Variants in MED25 observed in about 807,000 individuals in gnomAD.
The protein encoded by MED25 is mediator complex subunit 25.
Under a neutral mutation model 89.4 loss-of-function variants are expected in MED25, and 62 were observed. The ratio of observed to expected loss-of-function variants is 0.69; its 90% confidence interval spans 0.57 to 0.86. The LOEUF (loss-of-function observed/expected upper bound fraction) is 0.86, where lower values mean the gene tolerates loss of function less well. Ranked by LOEUF, MED25 falls within the 40% of genes least tolerant of loss-of-function variation. The pLI is 0.00. For missense variants in MED25, 905 were observed against 1,005.2 expected (o/e 0.90, Z 1.35); for synonymous variants, 449 against 427.9 (o/e 1.05, Z -0.61).
chr19:49,822,481 C>T (rs1311944063), intron 3 of MED25, among the ~76,000 whole-genome samples: 1 of 151,672 alleles, frequency 6.6e-6, no homozygotes, highest in Non-Finnish European at 1.5e-5. Flanking sequence ...TGCAATGTTG[C>T]CCAGGCTGGT....
chr19:49,820,322 A>G (rs1363583797), intron 3 of MED25, among the ~76,000 whole-genome samples: 5 of 152,204 alleles, frequency 3.3e-5, no homozygotes, highest in Non-Finnish European at 7.3e-5. Context: ...GCAGGGATAC[A>G]GAGGCAGAAC....
rs759459372 is a variant in MED25, at chr19:49,835,291, C to T, written c.1674+114C>T. ...CCACCCTTCTCCCAATATGTGGTGCCTCCAAGCTAAGTCCCACTCAGATTT... is the reference window on the plus strand; with the variant it reads ...CCACCCTTCTCCCAATATGTGGTGCTTCCAAGCTAAGTCCCACTCAGATTT... On this transcript the variant is annotated intron_variant, in intron 14 of 17. Transcript: ENST00000312865. The surrounding 1 kb of genome is among the most constrained non-coding windows in gnomAD (Gnocchi z 6.2). 10 of 1,218,568 alleles carry T rather than the reference C, an allele frequency of 8.2e-6. No individual in the cohort carries two copies. Among genetic ancestry groups the T allele is most frequent in the Non-Finnish European group, 1.2e-5 (10 of 825,506 alleles). 75.5% of individuals were successfully genotyped at this position (1,218,568 alleles called of 1,614,324 possible).
In MED25 at chr19:49,819,212, T is replaced by G; in HGVS notation, c.221T>G (p.Val74Gly). 6.2e-7 allele frequency: 1 copy of G among 1,614,212 alleles called. No individual in the cohort carries two copies. The highest frequency in any genetic ancestry group is 8.5e-7 in the Non-Finnish European group (1 of 1,180,018). Reference sequence around the variant, plus strand: ...TACAGCCTCGTGGTGTTCAACACAGTGGACTGCGCTCCCGAGTCCTACGTA... The same window carrying G: ...TACAGCCTCGTGGTGTTCAACACAGGGGACTGCGCTCCCGAGTCCTACGTA... Reference protein sequence around the residue: ...TQYSLVVFNTVDCAPESYVQC... With the variant: ...TQYSLVVFNTGDCAPESYVQC... Residue 74 changes from valine to glycine, a missense_variant, in exon 3 of 18, where the codon GTG (valine) becomes GGG (glycine). By Grantham distance (109) the Val-to-Gly change is moderately radical. Transcript: ENST00000312865.
At chr19:49,818,827 G>A in intron 2 of MED25, 1 of 616,984 alleles carries the variant, frequency 1.6e-6, no homozygotes, top group African/African-American at 1.9e-5. Flanking sequence ...TCCTGGGTCC[G>A]AGGGAGGAGG....
rs754774180 is a variant in MED25, at chr19:49,829,971, G to A, written c.688+23G>A. 2.0e-5 allele frequency: 32 copies of A among 1,603,784 alleles called. No homozygotes were observed. Among genetic ancestry groups the A allele is most frequent in the Non-Finnish European group, 2.6e-5 (31 of 1,173,060 alleles). On this transcript the variant is annotated intron_variant, in intron 6 of 17. Coordinates refer to ENST00000312865, the MANE Select transcript of MED25 (RefSeq NM_030973.4). The surrounding 1 kb of genome is among the most constrained non-coding windows in gnomAD (Gnocchi z 4.6). ...CTGGTGAGGCCTGGGCACCGTGCGC[G>A]GGGATGGGGGCTCGACGTGTTTCCC...
chr19:49,837,108 G>A (rs1289510524), downstream of MED25: 3 of 696,220 alleles, frequency 4.3e-6, no homozygotes, highest in East Asian at 2.7e-5. Flanking sequence ...GGGCCTCCGT[G>A]GTGAGTCACA....
intron 3 of MED25, among the ~76,000 whole-genome samples, chr19:49,824,563 T>G (rs1600318589): frequency 1.5e-5 from 2 of 133,884 alleles, no homozygotes; most frequent in African/African-American, 2.9e-5. Flanking sequence ...CCAGCCTGGG[T>G]GAAAGAGCGA....
chr19:49,824,809 C>G (rs1468582608), intron 3 of MED25, among the ~76,000 whole-genome samples: 1 of 151,986 alleles, frequency 6.6e-6, no homozygotes, highest in African/African-American at 2.4e-5. Flanking sequence ...GTAGGGAGCC[C>G]TTGGTCATGG....
chr19:49,831,464 G>A lies in MED25; in HGVS notation c.1230+3G>A. 1 of 1,611,416 alleles carries A rather than the reference G, an allele frequency of 6.2e-7. No homozygotes were observed. Among genetic ancestry groups the A allele is most frequent in the African/African-American group, 1.3e-5 (1 of 75,032 alleles). On this transcript the variant is annotated splice_donor_region_variant and intron_variant, in intron 10 of 17. Transcript: ENST00000312865. The surrounding 1 kb of genome is among the most constrained non-coding windows in gnomAD (Gnocchi z 5.0). Reference sequence around the variant, plus strand: ...GCGGGGTCCTGGAGTGGCAAGAGGTGAGGGGCCTGAGGGTCCATTGGGCAC... The same window carrying A: ...GCGGGGTCCTGGAGTGGCAAGAGGTAAGGGGCCTGAGGGTCCATTGGGCAC...
In MED25 at chr19:49,829,696, C is replaced by G; in HGVS notation, c.526-90C>G. 1 of 1,393,474 alleles carries G rather than the reference C, an allele frequency of 7.2e-7. No homozygotes were observed. Among genetic ancestry groups the G allele is most frequent in the South Asian group, 1.3e-5 (1 of 79,092 alleles). 86.3% of individuals were successfully genotyped at this position (1,393,474 alleles called of 1,614,324 possible). ...TTGTGGTTGTAGGGCTGGTGCCGTC[C>G]AGCCACACAGCAGTTGTGGTAGGTT... On this transcript the variant is annotated intron_variant, in intron 5 of 17. Coordinates refer to ENST00000312865, the MANE Select transcript of MED25 (RefSeq NM_030973.4). The surrounding 1 kb of genome is among the most constrained non-coding windows in gnomAD (Gnocchi z 4.6).
chr19:49,838,765 A>G (rs200942305), downstream of MED25: 9 of 456,526 alleles, frequency 2.0e-5, no homozygotes, highest in Non-Finnish European at 4.0e-5. Context: ...CGACCAGTAC[A>G]CAGAACAGAC....
At position 49,831,809 on chromosome 19, in the gene MED25, C is replaced by T; in HGVS notation, c.1231-127C>T. The T allele has an allele frequency of 2.3e-6, 2 of 870,654 alleles. No individual in the cohort carries two copies. The highest frequency in any genetic ancestry group is 2.6e-5 in the East Asian group (1 of 38,348). 53.9% of individuals were successfully genotyped at this position (870,654 alleles called of 1,614,324 possible). On this transcript the variant is annotated intron_variant, in intron 10 of 17. Transcript: ENST00000312865. This position sits in a 1 kb window ranked among gnomAD's most constrained non-coding sequence, Gnocchi z 5.0. ...AAGGCTTGCTGGTCTGGAGGAGGGG[C>T]CTGGGGCTCATGGGACTTAAACTGG...
rs193231573 is a variant in MED25 at position 49,822,180 on chromosome 19, G to A, written c.305+2884G>A. Reference sequence around the variant, plus strand: ...CGGGAGGCTGAGGCAGGAGAATGGCGTGAACCCAGGAGGCGGAGTTTGCAG... The same window carrying A: ...CGGGAGGCTGAGGCAGGAGAATGGCATGAACCCAGGAGGCGGAGTTTGCAG... On this transcript the variant is annotated intron_variant, in intron 3 of 17. Coordinates refer to ENST00000312865, the MANE Select transcript of MED25 (RefSeq NM_030973.4). Among the ~76,000 whole-genome samples, 7 of 147,670 alleles carry A rather than the reference G, an allele frequency of 4.7e-5. No individual in the cohort carries two copies. The East Asian group carries it at 6.0e-4, about 13-fold the overall frequency.
chr19:49,821,581 A>G (rs991908395), intron 3 of MED25, among the ~76,000 whole-genome samples: 11 of 151,740 alleles, frequency 7.2e-5, no homozygotes, highest in African/African-American at 2.7e-4. Context: ...AGCCTGTCCA[A>G]CATGGTGAAA....
At chr19:49,822,636 C>T (rs1337898523) in intron 3 of MED25, among the ~76,000 whole-genome samples, 2 of 136,116 alleles carry the variant, frequency 1.5e-5, no homozygotes, top group Admixed American at 7.9e-5. Flanking sequence ...ATTTCTGTTA[C>T]ATTCTTTTTT....
chr19:49,838,542 A>G (rs1433290390), downstream of MED25: 1 of 456,916 alleles, frequency 2.2e-6, no homozygotes, highest in Non-Finnish European at 4.4e-6. Context: ...ATTCAGAGGA[A>G]AGTGAAATCT....
intron 13 of MED25, chr19:49,833,250 GCA>G (rs2074072207): frequency 1.3e-5 from 2 of 152,490 alleles, no homozygotes; most frequent in Non-Finnish European, 2.9e-5. Context: ...GGGATTACAG[GCA>G]TGTGCCACTA....
At chr19:49,822,435 CA>C (rs1029383556) in intron 3 of MED25, among the ~76,000 whole-genome samples, 8 of 150,486 alleles carry the variant, frequency 5.3e-5, no homozygotes, top group Non-Finnish European at 1.0e-4. Flanking sequence ...GACCCTGTCT[CA>C]AAAAAAAATT....
At chr19:49,823,374 G>A (rs561538130) in intron 3 of MED25, among the ~76,000 whole-genome samples, 39 of 152,264 alleles carry the variant, frequency 2.6e-4, no homozygotes, top group Admixed American at 1.0e-3. Flanking sequence ...GCTGTATTGG[G>A]GGCTGGGTAC....
Sources: allele counts gnomAD v4.1 joint callset (sites outside exome capture counted in the v4.1 genomes callset), GRCh38; gene constraint gnomAD v4.1.1; non-coding constraint Gnocchi (gnomAD v3.1); transcripts MANE v1.5; gene names NCBI Gene and HGNC (gene_info 2026-07-23, HGNC 2026-07-21).